The following KCNK10 variants were observed in gnomAD, a reference collection of about 807,000 sequenced individuals.
The protein encoded by KCNK10 is potassium channel subfamily K member 10.
A neutral mutation model predicts 47.7 loss-of-function variants in KCNK10; 25 were observed. The observed-to-expected ratio is 0.52, with a 90% CI of 0.38 to 0.73. KCNK10 has a LOEUF of 0.73. Among genes scored for constraint, KCNK10 ranks in the 30% least tolerant of loss-of-function variants. The pLI is 0.00. For synonymous variants in KCNK10, 303 were observed against 285.6 expected (o/e 1.06, Z -0.61); for missense variants, 563 against 714.5 (o/e 0.79, Z 2.42).
chr14:88,302,184 C>T (rs1005842882), intron 1 of KCNK10, among the ~76,000 whole-genome samples: 1 of 152,086 alleles, frequency 6.6e-6, no homozygotes, highest in Non-Finnish European at 1.5e-5. Flanking sequence ...TGGCGGTGCC[C>T]ATCAATGAGA....
intron 3 of KCNK10, among the ~76,000 whole-genome samples, chr14:88,229,000 A>C (rs1886075263): frequency 6.6e-6 from 1 of 152,214 alleles, no homozygotes; most frequent in Admixed American, 6.5e-5. Flanking sequence ...ATTGAAAAAG[A>C]AATAAATGAG....
chr14:88,284,664 C>A (rs1182403699), intron 1 of KCNK10, among the ~76,000 whole-genome samples: 1 of 152,156 alleles, frequency 6.6e-6, no homozygotes, highest in East Asian at 1.9e-4. Flanking sequence ...CTCATTCCAC[C>A]TTCTTCTGCC....
chr14:88,183,923 T>C lies in KCNK10; in HGVS notation c.*1612A>G, dbSNP rs972370856. 1.3e-5 allele frequency: 2 copies of C among 152,286 alleles called. No individual in the cohort carries two copies. Among genetic ancestry groups the C allele is most frequent in the African/African-American group, 4.8e-5 (2 of 41,424 alleles). 9.4% of individuals were successfully genotyped at this position (152,286 alleles called of 1,614,324 possible). ...AAATCCACACTGCGGGTTAGTTACG[T>C]AAAATCCCGTGAACTCTGTAAAAGG... is the stretch of plus-strand genomic sequence containing the variant. On this transcript the variant is annotated 3_prime_UTR_variant, in exon 7 of 7. Transcript: ENST00000319231.
rs116236232 is a variant in KCNK10, at chr14:88,266,295, A to G, written c.53-2744T>C. Among the ~76,000 whole-genome samples, 35 of 152,312 alleles carry G rather than the reference A, an allele frequency of 2.3e-4. 1 individual carries two copies. The highest frequency in any genetic ancestry group is 8.2e-4 in the African/African-American group (34 of 41,584). On this transcript the variant is annotated intron_variant, in intron 1 of 6. Coordinates refer to ENST00000319231, the MANE Select transcript of KCNK10 (RefSeq NM_138317.3). ...CCAGCAATACTGAAAGCAGGTCCTC[A>G]AACACAGCAGTGCTCTGTTCACACC...
At chr14:88,225,959 G>C (rs1488667483) in intron 4 of KCNK10, among the ~76,000 whole-genome samples, 4 of 152,210 alleles carry the variant, frequency 2.6e-5, no homozygotes, top group African/African-American at 9.7e-5. Context: ...CGGCCAGCCA[G>C]CATGAAGGAG....
At chr14:88,249,791 G>A (rs117257072) in intron 2 of KCNK10, among the ~76,000 whole-genome samples, 12 of 152,300 alleles carry the variant, frequency 7.9e-5, no homozygotes, top group Non-Finnish European at 1.2e-4. Context: ...CACCATGCCA[G>A]AATTGGCTAG....
At chr14:88,223,330 A>G (rs1314202537) in intron 4 of KCNK10, among the ~76,000 whole-genome samples, 2 of 101,340 alleles carry the variant, frequency 2.0e-5, no homozygotes, top group Admixed American at 2.2e-4. Flanking sequence ...TTTTTGCTTT[A>G]CCTCCCTGAA....
intron 1 of KCNK10, among the ~76,000 whole-genome samples, chr14:88,304,889 T>G (rs1017637153): frequency 6.6e-6 from 1 of 152,218 alleles, no homozygotes; most frequent in Non-Finnish European, 1.5e-5. Flanking sequence ...AACAAGGTTA[T>G]GTATTTAGTT....
rs1887171847 is a variant in KCNK10, at chr14:88,263,472, T to TGGAGTC, written c.126_131dup (p.Thr45_Pro46dup). 3.1e-6 allele frequency: 5 copies of TGGAGTC among 1,613,854 alleles called. No homozygotes were observed. The Admixed American group carries it at 6.7e-5, about 22-fold the overall frequency. On this transcript the variant is annotated inframe_insertion, in exon 2 of 7. Coordinates refer to ENST00000319231, the MANE Select transcript of KCNK10 (RefSeq NM_138317.3). ...GGGAGGAAATGGACAGGCGCGGAGT[T>TGGAGTC]GGAGTCGGAGCCGGAGCCGGGGGTT...
upstream of KCNK10, chr14:88,326,738 T>G: frequency 2.3e-6 from 1 of 441,984 alleles, no homozygotes. Flanking sequence ...GCACCAATAG[T>G]TGCCCCACCA....
At chr14:88,269,093 G>T (rs932176077) in intron 1 of KCNK10, among the ~76,000 whole-genome samples, 1 of 152,190 alleles carries the variant, frequency 6.6e-6, no homozygotes, top group Admixed American at 6.5e-5. Flanking sequence ...AGCCGAGATC[G>T]TGCCATTGCA....
At chr14:88,311,254 T>C (rs1220366380) in intron 1 of KCNK10, among the ~76,000 whole-genome samples, 1 of 152,222 alleles carries the variant, frequency 6.6e-6, no homozygotes, top group Admixed American at 6.5e-5. Flanking sequence ...ATTTGATTTA[T>C]TAGCGATTTA....
chr14:88,227,945 C>T (rs1215818240), intron 3 of KCNK10, among the ~76,000 whole-genome samples: 1 of 152,198 alleles, frequency 6.6e-6, no homozygotes, highest in Non-Finnish European at 1.5e-5. Context: ...CCATGGGCTC[C>T]ACCTGGACCG....
upstream of KCNK10, among the ~76,000 whole-genome samples, chr14:88,325,267 T>C (rs1377459989): frequency 6.6e-6 from 1 of 152,194 alleles, no homozygotes; most frequent in Non-Finnish European, 1.5e-5. Flanking sequence ...AGCTGGACTC[T>C]AGCACAGTCA....
chr14:88,221,301 C>CAAT (rs55913907), intron 4 of KCNK10, among the ~76,000 whole-genome samples: 33,931 of 144,014 alleles, frequency 0.24, 4,508 homozygotes, highest in Non-Finnish European at 0.31. Flanking sequence ...GACTCTGTCT[C>CAAT]AATAATAATA....
At chr14:88,261,772 GAA>G (rs5810405) in intron 2 of KCNK10, among the ~76,000 whole-genome samples, 21 of 140,800 alleles carry the variant, frequency 1.5e-4, no homozygotes, top group South Asian at 6.7e-4. Flanking sequence ...AAAAGAAAAA[GAA>G]AAAAAAAAAA....
At chr14:88,212,849 A>G (rs1463830757) in intron 4 of KCNK10, among the ~76,000 whole-genome samples, 1 of 152,226 alleles carries the variant, frequency 6.6e-6, no homozygotes, top group Non-Finnish European at 1.5e-5. Context: ...AGGAATGCAC[A>G]TTTCCTGGGC....
intron 1 of KCNK10, among the ~76,000 whole-genome samples, chr14:88,311,240 C>T (rs769377780): frequency 1.5e-4 from 23 of 152,296 alleles, no homozygotes; most frequent in Non-Finnish European, 1.9e-4. Context: ...TCGCTGAACC[C>T]ATCATTTGAT....
rs1231287890 is a variant in KCNK10, at chr14:88,185,631, A to G, written c.1536T>C (p.Cys512=). ...TCTCCAACTCAGCGTGCTGCTGGAT[A>G]CAGTCCGTCAGCATGGCTGTGCTGG... ...DNSSTAMLTD[C]IQQHAELENG... is the part of the protein sequence containing the mutation. Residue 512 remains cysteine (C), a synonymous_variant, in exon 7 of 7, where the codon TGT becomes TGC. Transcript: ENST00000319231. The surrounding 1 kb of genome is among the most constrained non-coding windows in gnomAD (Gnocchi z 4.3). 6.2e-7 allele frequency: 1 copy of G among 1,614,008 alleles called. No individual in the cohort carries two copies. Among genetic ancestry groups the G allele is most frequent in the Non-Finnish European group, 8.5e-7 (1 of 1,180,006 alleles).
Sources: gnomAD v4.1 joint callset for allele counts (sites outside exome capture counted in the v4.1 genomes callset) on GRCh38, gnomAD v4.1.1 for gene constraint, Gnocchi (gnomAD v3.1) non-coding constraint, MANE v1.5 for transcripts, NCBI Gene and HGNC (gene_info 2026-07-23, HGNC 2026-07-21) for gene names.